The following DAB1 variants were observed in gnomAD, a reference collection of about 807,000 sequenced individuals.
The protein encoded by DAB1 is DAB adaptor protein 1.
DAB1 carries 15 observed loss-of-function variants against 64.6 expected under a neutral mutation model. That is an observed-to-expected ratio of 0.23 (90% confidence interval 0.16 to 0.36). The LOEUF (loss-of-function observed/expected upper bound fraction) is 0.36. DAB1 is among the 10% of genes least tolerant of loss of function. The pLI, the probability that DAB1 is intolerant of heterozygous loss-of-function variation, is 1.00. For synonymous variants in DAB1, 235 were observed against 251.9 expected, an observed-to-expected ratio of 0.93 and a Z score of 0.64; for missense variants, 596 against 706.7, an observed-to-expected ratio of 0.84 and a Z score of 1.78.
At chr1:57,727,726 C>CTCCTTTCTTCCTTCCTTCCTTCCTTCCT (rs1647240269) in intron 6 of DAB1, among the ~76,000 whole-genome samples, 1 of 137,022 alleles carries the variant, frequency 7.3e-6, no homozygotes, top group African/African-American at 2.7e-5. Context: ...CCTTCCTTCT[C>CTCCTTTCTTCCTTCCTTCCTTCCTTCCT]TCCTTCCTTC....
At chr1:57,744,519 A>G (rs1347766693) in intron 6 of DAB1, among the ~76,000 whole-genome samples, 1 of 152,130 alleles carries the variant, frequency 6.6e-6, no homozygotes, top group African/African-American at 2.4e-5. Context: ...TCGGCAAACG[A>G]AGAACTGGCA....
At chr1:58,214,177 T>C (rs758798814) in intron 4 of DAB1, among the ~76,000 whole-genome samples, 1 of 152,176 alleles carries the variant, frequency 6.6e-6, no homozygotes, top group Non-Finnish European at 1.5e-5. Flanking sequence ...AAATCCTACA[T>C]GCCATGCCCT....
At chr1:57,329,611 T>C (rs1267874341) in intron 1 of DAB1, among the ~76,000 whole-genome samples, 1 of 149,622 alleles carries the variant, frequency 6.7e-6, no homozygotes, top group Non-Finnish European at 1.5e-5. Context: ...TGATGCATCA[T>C]GTTCATTAAT....
At chr1:57,877,221 C>A (rs895701547) in intron 1 of DAB1, among the ~76,000 whole-genome samples, 2 of 152,146 alleles carry the variant, frequency 1.3e-5, no homozygotes, top group African/African-American at 4.8e-5. Flanking sequence ...AGGACTTGAA[C>A]CCACTGCCCC....
chr1:57,097,424 A>G (rs1445897527), intron 4 of DAB1, among the ~76,000 whole-genome samples: 1 of 152,238 alleles, frequency 6.6e-6, no homozygotes, highest in African/African-American at 2.4e-5. Context: ...ACAGGAGAAG[A>G]AGGAGCTGGA....
chr1:57,602,764 T>C (rs939893702), intron 7 of DAB1, among the ~76,000 whole-genome samples: 2 of 152,004 alleles, frequency 1.3e-5, no homozygotes. Flanking sequence ...TATAGAGCAT[T>C]CTAGATTTGA....
chr1:57,591,166 G>A (rs79578522), intron 7 of DAB1, among the ~76,000 whole-genome samples: 3,379 of 152,238 alleles, frequency 0.022, 145 homozygotes, highest in African/African-American at 0.074. Flanking sequence ...TTCCTGAGCT[G>A]TGAAGTCAGA....
At chr1:57,605,511 A>G (rs1004891603) in intron 7 of DAB1, among the ~76,000 whole-genome samples, 2 of 152,218 alleles carry the variant, frequency 1.3e-5, no homozygotes, top group African/African-American at 4.8e-5. Context: ...GGTTGGCACC[A>G]GAGAGAAAAT....
intron 1 of DAB1, among the ~76,000 whole-genome samples, chr1:57,362,859 CT>C (rs369831829): frequency 4.9e-4 from 74 of 152,220 alleles, no homozygotes; most frequent in African/African-American, 1.8e-3. Flanking sequence ...CATACAACAT[CT>C]TTTATTCTTT....
intron 2 of DAB1, among the ~76,000 whole-genome samples, chr1:57,225,201 G>C (rs754462775): frequency 4.0e-4 from 61 of 152,262 alleles, no homozygotes; most frequent in Non-Finnish European, 8.4e-4. Flanking sequence ...ATCAGAATGG[G>C]GTCATGGGAA....
intron 2 of DAB1, among the ~76,000 whole-genome samples, chr1:57,155,554 AT>A (rs1013667146): frequency 2.7e-5 from 4 of 147,934 alleles, no homozygotes; most frequent in Admixed American, 1.3e-4. Context: ...AAATTTTAGG[AT>A]TTTTTTTTCT....
chr1:58,295,060 C>A (rs1027726767), intron 4 of DAB1, among the ~76,000 whole-genome samples: 1 of 152,020 alleles, frequency 6.6e-6, no homozygotes, highest in African/African-American at 2.4e-5. Flanking sequence ...CTTTGGAAAG[C>A]CTTTCCTGAC....
intron 3 of DAB1, among the ~76,000 whole-genome samples, chr1:58,499,052 A>G (rs1569896958): frequency 6.6e-6 from 1 of 152,152 alleles, no homozygotes; most frequent in East Asian, 1.9e-4. Flanking sequence ...TTCCTAAAAT[A>G]TGAACATGAT....
At chr1:57,623,632 C>T (rs1044510230) in intron 7 of DAB1, among the ~76,000 whole-genome samples, 1 of 152,038 alleles carries the variant, frequency 6.6e-6, no homozygotes, top group Admixed American at 6.6e-5. Context: ...CCCCACTAGG[C>T]TGGGGTAAGG....
At chr1:57,981,765 C>T (rs1320823051) in intron 5 of DAB1, among the ~76,000 whole-genome samples, 3 of 152,162 alleles carry the variant, frequency 2.0e-5, no homozygotes, top group Non-Finnish European at 4.4e-5. Flanking sequence ...GCAAATGAGC[C>T]TTTTGGATTG....
intron 7 of DAB1, among the ~76,000 whole-genome samples, chr1:57,502,201 TC>T (rs1213353633): frequency 6.6e-6 from 1 of 150,420 alleles, no homozygotes; most frequent in Non-Finnish European, 1.5e-5. Context: ...GCGCCTGCAG[TC>T]CCAGCTACTC....
At chr1:57,052,827 G>A (rs930865916) in intron 9 of DAB1, among the ~76,000 whole-genome samples, 1 of 152,202 alleles carries the variant, frequency 6.6e-6, no homozygotes, top group Non-Finnish European at 1.5e-5. Flanking sequence ...CTCACTACTC[G>A]ATAAGGTTGT....
At chr1:57,180,215 C>T (rs1662769820) in intron 2 of DAB1, among the ~76,000 whole-genome samples, 1 of 152,178 alleles carries the variant, frequency 6.6e-6, no homozygotes, top group Non-Finnish European at 1.5e-5. Context: ...TGAGTCTGCC[C>T]TGTGACCCCT....
At chr1:58,072,626 C>T (rs1649348269) in intron 5 of DAB1, among the ~76,000 whole-genome samples, 1 of 152,200 alleles carries the variant, frequency 6.6e-6, no homozygotes, top group Admixed American at 6.5e-5. Context: ...ACAAACTATC[C>T]TGTCTCATTT....
Sources: allele counts gnomAD v4.1 joint callset (sites outside exome capture counted in the v4.1 genomes callset), GRCh38; gene constraint gnomAD v4.1.1; transcripts MANE v1.5; gene names NCBI Gene and HGNC (gene_info 2026-07-23, HGNC 2026-07-21).